ASPH: variants seen among roughly 807,000 people sequenced by gnomAD.
ASPH encodes aspartyl/asparaginyl beta-hydroxylase.
ASPH carries 100 observed loss-of-function variants against 118.4 expected under a neutral mutation model. The observed-to-expected ratio is 0.84, with a 90% CI of 0.72 to 1.00. ASPH has a LOEUF of 1.00. ASPH is among the 50% of genes least tolerant of loss of function. ASPH has a pLI of 0.00. For missense variants in ASPH, 920 were observed against 919.5 expected (o/e 1.00, Z -0.01); for synonymous variants, 315 against 325.6 (o/e 0.97, Z 0.35).
chr8:61,517,938 T>G (rs1157524416), intron 23 of ASPH, 94 bp downstream of exon 23: 14 of 1,324,292 alleles, frequency 1.1e-5, no homozygotes, highest in Non-Finnish European at 1.4e-5. Context: ...AGGCATTCAT[T>G]GGGCCAAAGG....
At chr8:61,646,966 G>T in intron 5 of ASPH, 88 bp from the exon 6 acceptor site, 1 of 1,561,218 alleles carries the variant, frequency 6.4e-7, no homozygotes. Flanking sequence ...TGCTCCTGCT[G>T]CTGGGGCTTC....
At position 61,562,601 on chromosome 8, in the gene ASPH, A is replaced by G. The variant is rs3802287; in HGVS notation, c.1437+143T>C. ...CTAGGAAGAAAAGCAATGTTAAAACATAGTTTAGAATATGTTAACTATAAT... is the reference window on the plus strand; with the variant it reads ...CTAGGAAGAAAAGCAATGTTAAAACGTAGTTTAGAATATGTTAACTATAAT... On this transcript the variant is annotated intron_variant, in intron 18 of 24. Coordinates refer to ENST00000379454, the MANE Select transcript of ASPH (RefSeq NM_004318.4). 0.64 allele frequency: 514,389 copies of G among 802,534 alleles called. 173,299 individuals are homozygous for G. The highest frequency in any genetic ancestry group is 0.69 in the Non-Finnish European group (396,106 of 572,854). 49.7% of individuals were successfully genotyped at this position (802,534 alleles called of 1,614,324 possible).
At chr8:61,625,780 ATC>A (rs544385187) in intron 13 of ASPH, 35 of 985,796 alleles carry the variant, frequency 3.6e-5, no homozygotes, top group Non-Finnish European at 4.2e-5. Context: ...GCTAATGATG[ATC>A]TCTGTTAGCG....
intron 21 of ASPH, among the ~76,000 whole-genome samples, chr8:61,527,611 A>G (rs1187082239): frequency 6.6e-6 from 1 of 152,228 alleles, no homozygotes; most frequent in Non-Finnish European, 1.5e-5. Flanking sequence ...AGGCCAAAGG[A>G]GAACTTTATT....
intron 21 of ASPH, among the ~76,000 whole-genome samples, chr8:61,529,625 A>G (rs1484290213): frequency 6.6e-6 from 1 of 152,258 alleles, no homozygotes; most frequent in Non-Finnish European, 1.5e-5. Context: ...AGAGGAAATT[A>G]AAGATCAATC....
intron 1 of ASPH, among the ~76,000 whole-genome samples, chr8:61,706,469 A>AGAG (rs1414926733): frequency 3.3e-5 from 5 of 149,554 alleles, no homozygotes; most frequent in African/African-American, 1.3e-4. Flanking sequence ...AGGAAGAGGA[A>AGAG]GAAGAAGAAG....
intron 3 of ASPH, among the ~76,000 whole-genome samples, chr8:61,670,127 TCA>T: frequency 6.6e-6 from 1 of 151,976 alleles, no homozygotes; most frequent in South Asian, 2.1e-4. Context: ...ATTATTACAT[TCA>T]GTTTCTGAAG....
At chr8:61,668,097 C>A in intron 3 of ASPH, 1 of 734,802 alleles carries the variant, frequency 1.4e-6, no homozygotes, top group Non-Finnish European at 2.2e-6. Flanking sequence ...CTACTTATAA[C>A]CTAAGTTGCA....
At chr8:61,667,389 G>T (rs1039011805) in intron 3 of ASPH, among the ~76,000 whole-genome samples, 3 of 151,784 alleles carry the variant, frequency 2.0e-5, no homozygotes, top group Non-Finnish European at 4.4e-5. Context: ...TTATTATTTT[G>T]AGAGTCTCAC....
intron 14 of ASPH, among the ~76,000 whole-genome samples, chr8:61,601,095 A>C (rs1843834919): frequency 6.6e-6 from 1 of 151,336 alleles, no homozygotes; most frequent in Admixed American, 6.6e-5. Flanking sequence ...AAATCCATGA[A>C]ACAAAACCTG....
At chr8:61,576,662 C>A in intron 16 of ASPH, 110 bp downstream of exon 16, 2 of 911,454 alleles carry the variant, frequency 2.2e-6, no homozygotes, top group Non-Finnish European at 3.3e-6. Flanking sequence ...ACATGAGAAA[C>A]TGATTCTGTA....
intron 17 of ASPH, among the ~76,000 whole-genome samples, chr8:61,564,662 C>T (rs1831056692): frequency 6.6e-6 from 1 of 152,244 alleles, no homozygotes; most frequent in African/African-American, 2.4e-5. Context: ...CCGGCCCTGC[C>T]TTTTCTGTGC....
chr8:61,569,684 C>T (rs531905287), intron 16 of ASPH, among the ~76,000 whole-genome samples: 18 of 152,128 alleles, frequency 1.2e-4, no homozygotes, highest in African/African-American at 4.1e-4. Flanking sequence ...TGGAAGTGGA[C>T]AGATTTATGA....
At chr8:61,538,500 C>G (rs898589960) in intron 21 of ASPH, among the ~76,000 whole-genome samples, 27 of 152,124 alleles carry the variant, frequency 1.8e-4, no homozygotes, top group African/African-American at 6.5e-4. Context: ...GACATTTTTG[C>G]TTTCTCAAAT....
intron 3 of ASPH, among the ~76,000 whole-genome samples, chr8:61,674,614 G>C (rs1387691460): frequency 6.6e-6 from 1 of 152,170 alleles, no homozygotes; most frequent in Admixed American, 6.6e-5. Context: ...AGTATTTGCT[G>C]ACACAGGTAA....
At chr8:61,516,103 T>A (rs1810811451) in intron 24 of ASPH, among the ~76,000 whole-genome samples, 1 of 152,214 alleles carries the variant, frequency 6.6e-6, no homozygotes, top group African/African-American at 2.4e-5. Flanking sequence ...GAATTATTAT[T>A]CAATATTCTT....
intron 22 of ASPH, among the ~76,000 whole-genome samples, chr8:61,521,956 G>A (rs1294484554): frequency 6.6e-6 from 1 of 151,958 alleles, no homozygotes; most frequent in African/African-American, 2.4e-5. Context: ...ACTGCGTTGA[G>A]AAGGACTTAG....
chr8:61,669,461 C>T (rs1821333192), intron 3 of ASPH, among the ~76,000 whole-genome samples: 2 of 152,144 alleles, frequency 1.3e-5, no homozygotes, highest in Admixed American at 6.5e-5. Flanking sequence ...TAACCATAAC[C>T]AGTACTTATT....
intron 13 of ASPH, among the ~76,000 whole-genome samples, chr8:61,628,900 T>C (rs1014650183): frequency 7.9e-5 from 12 of 152,194 alleles, no homozygotes; most frequent in African/African-American, 1.9e-4. Flanking sequence ...GAATAGATGA[T>C]CAATAACAAC....
Sources: allele counts gnomAD v4.1 joint callset (sites outside exome capture counted in the v4.1 genomes callset), GRCh38; gene constraint gnomAD v4.1.1; transcripts MANE v1.5; gene names NCBI Gene and HGNC (gene_info 2026-07-23, HGNC 2026-07-21).